Variants in GLYR1 observed in about 807,000 individuals in gnomAD.
GLYR1 encodes the protein cytokine-like nuclear factor N-PAC.
In GLYR1, 21 loss-of-function variants were observed where a neutral mutation model predicts 72.7. The observed-to-expected ratio is 0.29, with a 90% CI of 0.20 to 0.42. GLYR1 has a LOEUF of 0.42. Among genes scored for constraint, GLYR1 ranks in the 10% least tolerant of loss-of-function variants. GLYR1 has a pLI of 1.00. For missense variants in GLYR1, 594 were observed against 712.1 expected, an observed-to-expected ratio of 0.83 and a Z score of 1.89; for synonymous variants, 392 against 270.2, an observed-to-expected ratio of 1.45 and a Z score of -4.42.
intron 9 of GLYR1, 143 bp from the exon 10 acceptor site, chr16:4,817,840 C>A: frequency 1.5e-6 from 1 of 646,276 alleles, no homozygotes; most frequent in East Asian, 2.6e-5. Flanking sequence ...GCCAATCTAC[C>A]TGCAGAGCCA....
At chr16:4,845,024 G>A (rs375859276) in intron 3 of GLYR1, 50 bp downstream of exon 3, 62 of 1,240,450 alleles carry the variant, frequency 5.0e-5, no homozygotes, top group Non-Finnish European at 7.0e-5. Context: ...TCAGACTCCA[G>A]GTAACACAGA....
intron 10 of GLYR1, among the ~76,000 whole-genome samples, chr16:4,815,593 A>C (rs572997840): frequency 5.8e-4 from 89 of 152,306 alleles, no homozygotes; most frequent in African/African-American, 2.1e-3. Flanking sequence ...ACAGGTTCTA[A>C]AAGTTTTAAG....
rs138861473 is a variant in GLYR1 at position 4,813,716 on chromosome 16, C to A, written c.1119+21G>T. 6.7e-3 allele frequency: 10,421 copies of A among 1,566,894 alleles called. 49 individuals are homozygous for A. The highest frequency in any genetic ancestry group is 8.4e-3 in the Non-Finnish European group (9,677 of 1,153,198). ...TCTGATAGAAAAGATGCTGGAGAGC[C>A]AGCCCAAGGAAGGCTGCTACCTGGG... On this transcript the variant is annotated intron_variant, in intron 12 of 15. Transcript: ENST00000321919.
intron 5 of GLYR1, among the ~76,000 whole-genome samples, chr16:4,829,773 C>T (rs946645019): frequency 2.0e-5 from 3 of 151,996 alleles, no homozygotes; most frequent in Admixed American, 1.3e-4. Flanking sequence ...CCTGGGTTCA[C>T]GTGATTCTCC....
chr16:4,805,218 G>A lies in GLYR1; in HGVS notation c.*18C>T, dbSNP rs374572125. ...GTCAGAGGGGGGATTGGAGGGGTGA[G>A]GGCGGGGTGTCGACAGCTTAGTGTA... On this transcript the variant is annotated 3_prime_UTR_variant, in exon 16 of 16. Transcript: ENST00000321919. 6.2e-7 allele frequency: 1 copy of A among 1,612,006 alleles called. No individual in the cohort carries two copies. The highest frequency in any genetic ancestry group is 8.5e-7 in the Non-Finnish European group (1 of 1,178,398).
chr16:4,811,349 A>G lies in GLYR1; in HGVS notation c.1463-55T>C, dbSNP rs2083313259. On this transcript the variant is annotated intron_variant, in intron 14 of 15. Transcript: ENST00000321919. Reference sequence around the variant, plus strand: ...AGCCAAGGACCTGAAACTAAAAACTACTTACGGTCCACCAGGTGTCAGTAC... The same window carrying G: ...AGCCAAGGACCTGAAACTAAAAACTGCTTACGGTCCACCAGGTGTCAGTAC... 34 of 1,605,888 alleles carry G rather than the reference A, an allele frequency of 2.1e-5. No individual in the cohort carries two copies. In the South Asian group the frequency reaches 3.3e-4, roughly 16 times the overall value.
At chr16:4,829,270 A>C (rs563901309) in intron 5 of GLYR1, among the ~76,000 whole-genome samples, 92 of 152,078 alleles carry the variant, frequency 6.0e-4, no homozygotes, top group African/African-American at 2.1e-3. Flanking sequence ...AAGCACATTT[A>C]AAATTGGGAT....
Position 4,845,158 on chromosome 16 carries a change from A to C in GLYR1, c.76-5T>G, listed in dbSNP as rs1343842370. 1 of 1,612,222 alleles carries C rather than the reference A, an allele frequency of 6.2e-7. No homozygotes were observed. Among genetic ancestry groups the C allele is most frequent in the Non-Finnish European group, 8.5e-7 (1 of 1,178,296 alleles). On this transcript the variant is annotated splice_region_variant and splice_polypyrimidine_tract_variant and intron_variant, in intron 2 of 15. Transcript: ENST00000321919. ...GTCCTTTGGTGGATTAACAATCTGG[A>C]GGATAAAAGGGGGGAAAAAGGTTGG...
intron 3 of GLYR1, among the ~76,000 whole-genome samples, chr16:4,841,630 A>AC: frequency 6.8e-6 from 1 of 146,374 alleles, no homozygotes; most frequent in Non-Finnish European, 1.5e-5. Flanking sequence ...TTTCTCAAAA[A>AC]AAAATCAAGA....
At chr16:4,826,104 G>A (rs553307317) in intron 5 of GLYR1, among the ~76,000 whole-genome samples, 43 of 152,076 alleles carry the variant, frequency 2.8e-4, no homozygotes, top group Non-Finnish European at 1.6e-4. Flanking sequence ...CTGGAGTGCA[G>A]TGACTCAATT....
rs755046677 is a variant in GLYR1 at position 4,811,197 on chromosome 16, C to T, written c.1560G>A (p.Pro520=). 7.4e-6 allele frequency: 12 copies of T among 1,613,886 alleles called. No individual in the cohort carries two copies. Among genetic ancestry groups the T allele is most frequent in the East Asian group, 2.2e-5 (1 of 44,898 alleles). The change falls in exon 15 of 16, where the codon CCG becomes CCA. Residue 520 remains proline (P), a synonymous_variant. Transcript: ENST00000321919. The part of the protein sequence containing the change: ...AIALGDAVNH[P]TPMAAAANEV... ...CATTTGCTGCAGCTGCCATGGGAGT[C>T]GGATGGTTGACCGCATCACCCAGCG...
At position 4,811,996 on chromosome 16, in the gene GLYR1, G is replaced by T. The variant is rs542406917; in HGVS notation, c.1282+90C>A. The stretch of plus-strand genomic sequence containing the variant: ...GAAACCTTCCCCAGGGTCCCCGGCA[G>T]AAAGGCCGTGTGGGACTGACGCTGT... On this transcript the variant is annotated intron_variant, in intron 13 of 15. Transcript: ENST00000321919. The T allele has an allele frequency of 2.0e-6, 3 of 1,507,500 alleles. No homozygotes were observed. The South Asian group carries it at 3.9e-5, about 20-fold the overall frequency. 93.4% of individuals were successfully genotyped at this position (1,507,500 alleles called of 1,614,324 possible). A position where few individuals can be genotyped will look rare whatever the true frequency, so the allele number is the denominator to read the frequency against.
intron 10 of GLYR1, among the ~76,000 whole-genome samples, chr16:4,815,691 C>G (rs949072271): frequency 6.6e-6 from 1 of 152,144 alleles, no homozygotes; most frequent in African/African-American, 2.4e-5. Flanking sequence ...TATGCCAGTA[C>G]CAAGTATGTA....
rs188566336 is a variant in GLYR1, at chr16:4,808,932, C to A, written c.1587+2238G>T. Among the ~76,000 whole-genome samples the A allele has an allele frequency of 1.5e-4, 23 of 152,074 alleles. No individual in the cohort carries two copies. The East Asian group carries it at 4.3e-3, about 28-fold the overall frequency. The stretch of plus-strand genomic sequence containing the variant: ...AGTGAGCTATAATTGTGCCACTGCA[C>A]TTTACCTGGGCAAGAGAGTGAGACT... On this transcript the variant is annotated intron_variant, in intron 15 of 15. Coordinates refer to ENST00000321919, the MANE Select transcript of GLYR1 (RefSeq NM_032569.4).
chr16:4,803,668 A>C lies in GLYR1; in HGVS notation c.*1568T>G, dbSNP rs943532746. On this transcript the variant is annotated 3_prime_UTR_variant, in exon 16 of 16. Coordinates refer to ENST00000321919, the MANE Select transcript of GLYR1 (RefSeq NM_032569.4). ...CCCAGTGAAATGAACTGTGCTAAAA[A>C]CCCGACAGGCATCTTCCCTGCCCTC... The C allele has an allele frequency of 1.1e-4, 16 of 151,578 alleles. No individual in the cohort carries two copies. The highest frequency in any genetic ancestry group is 2.1e-4 in the Non-Finnish European group (14 of 67,846). The allele number at this position is 151,578 out of a possible 1,614,324, so 9.4% of individuals were successfully genotyped here. A position where few individuals can be genotyped will look rare whatever the true frequency, so the allele number is the denominator to read the frequency against.
At chr16:4,807,129 T>G (rs926934764) in intron 15 of GLYR1, among the ~76,000 whole-genome samples, 1 of 136,846 alleles carries the variant, frequency 7.3e-6, no homozygotes, top group Non-Finnish European at 1.6e-5. Context: ...TTTTTTTTTT[T>G]GAGACGGAGT....
At chr16:4,846,924 G>T in intron 1 of GLYR1, 1 of 454,634 alleles carries the variant, frequency 2.2e-6, no homozygotes, top group South Asian at 2.9e-5. Flanking sequence ...GTCGTCCGGG[G>T]AAGCCTCGCG....
intron 9 of GLYR1, 85 bp downstream of exon 9, chr16:4,821,295 C>T: frequency 7.3e-7 from 1 of 1,365,356 alleles, no homozygotes; most frequent in Non-Finnish European, 1.0e-6. Context: ...TGGGACACAA[C>T]CCTTAAAGAA....
At chr16:4,846,064 T>C in intron 2 of GLYR1, 110 bp downstream of exon 2, 1 of 1,225,174 alleles carries the variant, frequency 8.2e-7, no homozygotes, top group Non-Finnish European at 1.2e-6. Flanking sequence ...AAGTGCCATC[T>C]GAATGAGCCC....
Sources: allele counts gnomAD v4.1 joint callset (sites outside exome capture counted in the v4.1 genomes callset), GRCh38; gene constraint gnomAD v4.1.1; transcripts MANE v1.5; gene names NCBI Gene and HGNC (gene_info 2026-07-23, HGNC 2026-07-21).